Variants in ERMAP observed in about 807,000 individuals in gnomAD.
ERMAP encodes erythroblast membrane associated protein (Scianna blood group).
Under a neutral mutation model 49.5 loss-of-function variants are expected in ERMAP, and 34 were observed. That is an observed-to-expected ratio of 0.69 (90% CI 0.52 to 0.91). The LOEUF is 0.91. ERMAP is among the 40% of genes least tolerant of loss of function. The pLI is 0.00. For synonymous variants in ERMAP, 214 were observed against 232.2 expected (o/e 0.92, Z 0.71); for missense variants, 541 against 582.6 (o/e 0.93, Z 0.74).
intron 11 of ERMAP, 122 bp downstream of exon 11, chr1:42,840,418 T>C (rs1655023762): frequency 2.6e-6 from 3 of 1,145,952 alleles, no homozygotes; most frequent in Non-Finnish European, 3.8e-6. Context: ...AAATCAAATC[T>C]GTATATCTGA....
Position 42,842,611 on chromosome 1 carries a change from A to T in ERMAP, c.807A>T (p.Val269=), listed in dbSNP as rs182900376. The T allele has an allele frequency of 1.5e-5, 24 of 1,614,188 alleles. No individual in the cohort carries two copies. In the African/African-American group the frequency reaches 2.4e-4, roughly 16 times the overall value. The change falls in exon 12 of 12, where the codon GTA becomes GTT. Residue 269 remains valine (V), a synonymous_variant. Transcript: ENST00000372517. The part of the protein sequence containing the change: ...CVRLGDRRQP[V]PDNPQRFDFV... ...GGCTTGGAGACAGACGGCAGCCTGT[A>T]CCTGACAACCCCCAGAGATTTGATT...
intron 2 of ERMAP, among the ~76,000 whole-genome samples, chr1:42,826,078 T>G (rs1370110606): frequency 6.6e-6 from 1 of 152,220 alleles, no homozygotes; most frequent in Non-Finnish European, 1.5e-5. Flanking sequence ...CTTGGGACTG[T>G]CAAGAGAACA....
chr1:42,839,404 G>A (rs1397041452), intron 8 of ERMAP: 1 of 169,338 alleles, frequency 5.9e-6, no homozygotes, highest in Non-Finnish European at 1.3e-5. Context: ...TTGAGGACAG[G>A]AGTTTGTGAC....
chr1:42,835,025 G>C lies in ERMAP; in HGVS notation c.434-13G>C. The C allele has an allele frequency of 9.1e-7, 1 of 1,093,362 alleles. No homozygotes were observed. The highest frequency in any genetic ancestry group is 1.4e-6 in the Non-Finnish European group (1 of 704,244). 67.7% of individuals were successfully genotyped at this position (1,093,362 alleles called of 1,614,324 possible). A position where few individuals can be genotyped will look rare whatever the true frequency, so the allele number is the denominator to read the frequency against. ...ATCTCCCTGAGGTCAGTCGTTGGTGGTTTCTGTTTCAGCCCCATCTGTGGG... is the reference window on the plus strand; with the variant it reads ...ATCTCCCTGAGGTCAGTCGTTGGTGCTTTCTGTTTCAGCCCCATCTGTGGG... On this transcript the variant is annotated splice_polypyrimidine_tract_variant and intron_variant, in intron 4 of 11. Transcript: ENST00000372517.
At chr1:42,818,059 A>G (rs75923047) in intron 1 of ERMAP, among the ~76,000 whole-genome samples, 2 of 152,358 alleles carry the variant, frequency 1.3e-5, no homozygotes, top group East Asian at 3.9e-4. Flanking sequence ...TTCAGCCAGG[A>G]TTCATAGGAC....
rs777451855 is a variant in ERMAP, at chr1:42,830,498, C to T, written c.50C>T (p.Pro17Leu). ...AGSWLSGCLI[P>L]LVFLRLSVHV... ...TCCTGGCTCTCTGGCTGCCTCATCC[C>T]TCTCGTCTTCCTCCGGCTGTCTGTG... Residue 17 changes from proline (P) to leucine (L), a missense_variant, in exon 3 of 12, where the codon CCT (proline) becomes CTT (leucine). Transcript: ENST00000372517. 3.9e-5 allele frequency: 63 copies of T among 1,614,076 alleles called. No individual in the cohort carries two copies. The Admixed American group carries it at 1.0e-3, about 26-fold the overall frequency.
chr1:42,840,463 G>C (rs1434202862), intron 11 of ERMAP, among the ~76,000 whole-genome samples, 167 bp downstream of exon 11: 1 of 152,024 alleles, frequency 6.6e-6, no homozygotes, highest in African/African-American at 2.4e-5. Context: ...GATCGATCTT[G>C]AGGTCATATT....
chr1:42,821,198 T>C (rs1185402045), intron 1 of ERMAP, among the ~76,000 whole-genome samples: 3 of 152,248 alleles, frequency 2.0e-5, no homozygotes, highest in Non-Finnish European at 4.4e-5. Flanking sequence ...CTGTTCTCTT[T>C]GTCCTTATAG....
Position 42,842,535 on chromosome 1 carries a change from C to T in ERMAP, c.731C>T (p.Pro244Leu), listed in dbSNP as rs1328532030. 6.2e-7 allele frequency: 1 copy of T among 1,613,594 alleles called. No homozygotes were observed. Among genetic ancestry groups the T allele is most frequent in the Non-Finnish European group, 8.5e-7 (1 of 1,179,734 alleles). ...TTTGCAGTGGCAGTGACCCTGGACC[C>T]AGACACAGCACATCCCAAACTCATC... ...RLHFVAVTLDPDTAHPKLILS... is the reference protein window; with the variant it reads ...RLHFVAVTLDLDTAHPKLILS... Residue 244 changes from proline to leucine, a missense_variant, in exon 12 of 12, where the codon CCA becomes CTA. Physicochemically the swap from Pro to Leu is moderately conservative, Grantham distance 98. Coordinates refer to ENST00000372517, the MANE Select transcript of ERMAP (RefSeq NM_001017922.2).
chr1:42,830,397 G>A lies in ERMAP; in HGVS notation c.-5-47G>A, dbSNP rs377132281. The stretch of plus-strand genomic sequence containing the variant: ...GCTCCTGGGTTATACCCTCTGTCAC[G>A]CCAAGCCCATCAGCCCGCTTGTGCT... On this transcript the variant is annotated intron_variant, in intron 2 of 11. Coordinates refer to ENST00000372517, the MANE Select transcript of ERMAP (RefSeq NM_001017922.2). The A allele has an allele frequency of 1.6e-5, 25 of 1,562,974 alleles. No homozygotes were observed. In the East Asian group the frequency reaches 2.9e-4, roughly 18 times the overall value.
intron 2 of ERMAP, among the ~76,000 whole-genome samples, chr1:42,829,328 C>G (rs558319248): frequency 4.1e-4 from 62 of 152,144 alleles, no homozygotes; most frequent in Non-Finnish European, 4.1e-4. Context: ...TCCCAGTCTC[C>G]CTTTGACACC....
At chr1:42,831,560 T>G (rs1557609178) in intron 4 of ERMAP, among the ~76,000 whole-genome samples, 6 of 47,996 alleles carry the variant, frequency 1.3e-4, no homozygotes, top group Admixed American at 2.8e-4. Context: ...ATAGTGTTTT[T>G]TTTTTTTTTT....
At position 42,840,187 on chromosome 1, in the gene ERMAP, C is replaced by T; in HGVS notation, c.685+9C>T. 3 of 1,614,152 alleles carry T rather than the reference C, an allele frequency of 1.9e-6. No homozygotes were observed. The highest frequency in any genetic ancestry group is 2.5e-6 in the Non-Finnish European group (3 of 1,180,034). ...AGCTGCAGCAAACTCAGGTGAGATG[C>T]ACTTTCTCCACATTTGACCACCACC... On this transcript the variant is annotated intron_variant, in intron 10 of 11. Transcript: ENST00000372517.
intron 8 of ERMAP, chr1:42,839,668 C>T (rs1655002301): frequency 6.4e-6 from 2 of 313,962 alleles, no homozygotes; most frequent in Middle Eastern, 9.2e-4. Context: ...TTAATTATTA[C>T]ATTGAGAAAA....
At chr1:42,825,554 T>TG in intron 1 of ERMAP, 69 bp from the exon 2 acceptor site, 2 of 1,223,352 alleles carry the variant, frequency 1.6e-6, no homozygotes, top group Non-Finnish European at 2.1e-6. Flanking sequence ...GGGAGTTCTG[T>TG]GGGGGCAGAG....
Position 42,817,189 on chromosome 1 carries a change from C to T in ERMAP, c.-186C>T. The T allele has an allele frequency of 8.0e-7, 1 of 1,250,088 alleles. No homozygotes were observed. The allele number at this position is 1,250,088 out of a possible 1,614,324, so 77.4% of individuals were successfully genotyped here. A position where few individuals can be genotyped will look rare whatever the true frequency, so the allele number is the denominator to read the frequency against. On this transcript the variant is annotated 5_prime_UTR_variant, in exon 1 of 12. Coordinates refer to ENST00000372517, the MANE Select transcript of ERMAP (RefSeq NM_001017922.2). The stretch of plus-strand genomic sequence containing the variant: ...CGACCAAGAGGCTTGGGAGTCTGTA[C>T]CTTTCCCGACCGGGCCACTGGAAGT...
Position 42,830,931 on chromosome 1 carries a change from G to A in ERMAP, c.249G>A (p.Gly83=). The A allele has an allele frequency of 1.2e-6, 2 of 1,614,222 alleles. No individual in the cohort carries two copies. Among genetic ancestry groups the A allele is most frequent in the East Asian group, 2.2e-5 (1 of 44,876 alleles). ...AGGCTGTTCACATATTCCGGGATGG[G>A]AAGGACCAGGATGAAGATCTGATGC... ...RSQAVHIFRD[G]KDQDEDLMPE... is the part of the protein sequence containing the mutation. The change falls in exon 4 of 12, where the codon GGG becomes GGA. Residue 83 remains glycine, a synonymous_variant. Coordinates refer to ENST00000372517, the MANE Select transcript of ERMAP (RefSeq NM_001017922.2).
chr1:42,821,837 C>A (rs1206186507), intron 1 of ERMAP, among the ~76,000 whole-genome samples: 1 of 151,506 alleles, frequency 6.6e-6, no homozygotes, highest in Non-Finnish European at 1.5e-5. Flanking sequence ...GTAGTAAGAC[C>A]CCATCTCTAC....
intron 8 of ERMAP, chr1:42,839,193 C>T: frequency 3.6e-6 from 2 of 551,938 alleles, no homozygotes; most frequent in Non-Finnish European, 6.5e-6. Context: ...TCTGGAAGTC[C>T]CTTTTATCAC....
Sources: gnomAD v4.1 joint callset for allele counts (sites outside exome capture counted in the v4.1 genomes callset) on GRCh38, gnomAD v4.1.1 for gene constraint, MANE v1.5 for transcripts, NCBI Gene and HGNC (gene_info 2026-07-23, HGNC 2026-07-21) for gene names.